SEMA5A: variants seen among roughly 807,000 people sequenced by gnomAD.
SEMA5A encodes semaphorin-5A.
In SEMA5A, 55 loss-of-function variants were observed where a neutral mutation model predicts 135.5. The ratio of observed to expected loss-of-function variants is 0.41; its 90% CI spans 0.33 to 0.51. The LOEUF (loss-of-function observed/expected upper bound fraction) is 0.51, where lower values mean the gene tolerates loss of function less well. Among genes scored for constraint, SEMA5A ranks in the 20% least tolerant of loss-of-function variants. The probability of loss-of-function intolerance (pLI) is 0.37; values close to 1 mark genes in which losing one functional copy is unlikely to be tolerated. For synonymous variants in SEMA5A, 580 were observed against 546.5 expected, an observed-to-expected ratio of 1.06 and a Z score of -0.85; for missense variants, 1,290 against 1,419.9, an observed-to-expected ratio of 0.91 and a Z score of 1.47.
chr5:9,492,925 G>C (rs78592019), intron 1 of SEMA5A, among the ~76,000 whole-genome samples: 5 of 152,066 alleles, frequency 3.3e-5, no homozygotes, highest in Admixed American at 2.0e-4. Context: ...TCTGCATGAC[G>C]TTCTGTTGGT....
At chr5:9,521,601 A>G (rs1736836341) in intron 1 of SEMA5A, among the ~76,000 whole-genome samples, 1 of 152,156 alleles carries the variant, frequency 6.6e-6, no homozygotes, top group Non-Finnish European at 1.5e-5. Context: ...ATTCCTGCTG[A>G]GCGGTTTATG....
intron 1 of SEMA5A, among the ~76,000 whole-genome samples, chr5:9,482,931 G>C (rs1487603616): frequency 6.6e-6 from 1 of 152,224 alleles, no homozygotes; most frequent in Non-Finnish European, 1.5e-5. Flanking sequence ...ATTCTGCTCT[G>C]TGAAATTCTT....
At chr5:9,442,201 G>C (rs1355577095) in intron 1 of SEMA5A, among the ~76,000 whole-genome samples, 1 of 152,220 alleles carries the variant, frequency 6.6e-6, no homozygotes, top group African/African-American at 2.4e-5. Flanking sequence ...CACACAGATA[G>C]TCTAGGCTAA....
At chr5:9,349,131 G>C (rs1392906019) in intron 3 of SEMA5A, among the ~76,000 whole-genome samples, 1 of 152,200 alleles carries the variant, frequency 6.6e-6, no homozygotes, top group African/African-American at 2.4e-5. Flanking sequence ...ATGCAAGGAA[G>C]GCTTCTTGCT....
intron 12 of SEMA5A, among the ~76,000 whole-genome samples, chr5:9,144,754 G>A (rs892842786): frequency 2.6e-5 from 4 of 152,152 alleles, no homozygotes; most frequent in South Asian, 2.1e-4. Flanking sequence ...AGATGCTCCC[G>A]CTGCTTGGAT....
intron 3 of SEMA5A, among the ~76,000 whole-genome samples, chr5:9,362,247 C>G (rs993979131): frequency 2.0e-5 from 3 of 152,182 alleles, no homozygotes; most frequent in Non-Finnish European, 4.4e-5. Flanking sequence ...CCCCAGCCCC[C>G]AGAGGCATTT....
intron 1 of SEMA5A, among the ~76,000 whole-genome samples, chr5:9,543,468 T>C (rs432989): frequency 0.089 from 13,537 of 152,186 alleles, 977 homozygotes; most frequent in African/African-American, 0.19. Context: ...TCTCAAAAAT[T>C]TCCTCTGGAC....
At chr5:9,052,049 G>A (rs780378908) in intron 19 of SEMA5A, 21 bp from the exon 20 acceptor site, 5 of 1,555,080 alleles carry the variant, frequency 3.2e-6, no homozygotes, top group Admixed American at 3.9e-5. Flanking sequence ...CAGAAAAGGG[G>A]AGATGGGGCG....
intron 18 of SEMA5A, among the ~76,000 whole-genome samples, chr5:9,061,940 C>T (rs1055218531): frequency 1.3e-5 from 2 of 151,878 alleles, no homozygotes; most frequent in Non-Finnish European, 2.9e-5. Context: ...GGATGACCAC[C>T]TGATGGTACA....
At chr5:9,222,293 C>T (rs114157874) in intron 8 of SEMA5A, among the ~76,000 whole-genome samples, 13 of 152,028 alleles carry the variant, frequency 8.6e-5, no homozygotes, top group East Asian at 1.9e-4. Context: ...ATCAGAGAAG[C>T]GAATCAGGGT....
intron 5 of SEMA5A, among the ~76,000 whole-genome samples, chr5:9,291,133 C>G (rs1001855303): frequency 6.6e-6 from 1 of 152,172 alleles, no homozygotes; most frequent in African/African-American, 2.4e-5. Context: ...TCTAGACTAC[C>G]TGCTTCAGAA....
intron 3 of SEMA5A, among the ~76,000 whole-genome samples, chr5:9,360,907 C>T (rs1049086541): frequency 1.3e-5 from 2 of 152,146 alleles, no homozygotes; most frequent in Non-Finnish European, 2.9e-5. Flanking sequence ...AGTTCTTTAA[C>T]AGCAAAGGAT....
intron 1 of SEMA5A, among the ~76,000 whole-genome samples, chr5:9,480,935 T>C (rs185699531): frequency 2.0e-5 from 3 of 151,856 alleles, no homozygotes; most frequent in African/African-American, 7.3e-5. Context: ...AAACATGGTT[T>C]TTTGTTTTTT....
At chr5:9,309,897 C>CCTAGAATCTGAGGAGAAATG (rs1752043000) in intron 5 of SEMA5A, among the ~76,000 whole-genome samples, 1 of 147,406 alleles carries the variant, frequency 6.8e-6, no homozygotes, top group African/African-American at 2.5e-5. Flanking sequence ...ACCAAGGGAA[C>CCTAGAATCTGAGGAGAAATG]AGATATAAGA....
At chr5:9,309,343 G>A (rs977009462) in intron 5 of SEMA5A, among the ~76,000 whole-genome samples, 2 of 152,136 alleles carry the variant, frequency 1.3e-5, no homozygotes, top group South Asian at 2.1e-4. Flanking sequence ...CCCAGGGGCC[G>A]GTCTTGTTTT....
chr5:9,517,198 C>T (rs966294516), intron 1 of SEMA5A: 4 of 152,192 alleles, frequency 2.6e-5, no homozygotes, highest in African/African-American at 9.6e-5. Flanking sequence ...ACCAAAACTC[C>T]AACAGAGAAA....
chr5:9,258,968 G>A (rs1209535385), intron 5 of SEMA5A, among the ~76,000 whole-genome samples: 1 of 151,888 alleles, frequency 6.6e-6, no homozygotes, highest in Non-Finnish European at 1.5e-5. Flanking sequence ...AACCACAGGG[G>A]CCTGCCACCA....
At chr5:9,050,616 T>C (rs1188203673) in intron 20 of SEMA5A, among the ~76,000 whole-genome samples, 159 bp from the exon 21 acceptor site, 2 of 152,274 alleles carry the variant, frequency 1.3e-5, no homozygotes, top group African/African-American at 4.8e-5. Flanking sequence ...GTTTCTTTGC[T>C]TGTTTTAACC....
At chr5:9,303,172 A>G (rs1246461781) in intron 5 of SEMA5A, among the ~76,000 whole-genome samples, 3 of 150,286 alleles carry the variant, frequency 2.0e-5, no homozygotes, top group African/African-American at 7.4e-5. Flanking sequence ...GCTAGAGTGC[A>G]GTGGCGCCAT....
Sources: allele counts gnomAD v4.1 joint callset (sites outside exome capture counted in the v4.1 genomes callset), GRCh38; gene constraint gnomAD v4.1.1; transcripts MANE v1.5; gene names NCBI Gene and HGNC (gene_info 2026-07-23, HGNC 2026-07-21).